SCN2A: variants seen among roughly 807,000 people sequenced by gnomAD.
SCN2A encodes the protein sodium voltage-gated channel alpha subunit 2.
A neutral mutation model predicts 188.7 loss-of-function variants in SCN2A; 20 were observed. The observed-to-expected ratio is 0.11, with a 90% CI of 0.07 to 0.15. SCN2A has a LOEUF of 0.15. Among genes scored for constraint, SCN2A ranks in the 10% least tolerant of loss-of-function variants. The pLI, the probability that SCN2A is intolerant of heterozygous loss-of-function variation, is 1.00. For synonymous variants in SCN2A, 804 were observed against 833.1 expected (o/e 0.97, Z 0.60); for missense variants, 1,278 against 2,445.0 (o/e 0.52, Z 10.07).
intron 8 of SCN2A, 48 bp from the exon 9 acceptor site, chr2:165,313,572 C>T (rs1697559444): frequency 4.4e-6 from 7 of 1,608,750 alleles, no homozygotes; most frequent in Non-Finnish European, 6.0e-6. Context: ...AACCAATTAG[C>T]AGACTTGCCG....
intron 16 of SCN2A, among the ~76,000 whole-genome samples, chr2:165,352,290 A>T (rs966482896): frequency 1.3e-5 from 2 of 152,140 alleles, no homozygotes; most frequent in Non-Finnish European, 2.9e-5. Flanking sequence ...TAATGTGATT[A>T]TCAGGAGTCA....
intron 1 of SCN2A, among the ~76,000 whole-genome samples, chr2:165,253,423 G>A (rs1694182998): frequency 6.6e-6 from 1 of 152,052 alleles, no homozygotes; most frequent in Non-Finnish European, 1.5e-5. Flanking sequence ...AGCAAACCAT[G>A]GTCTTTTACA....
intron 15 of SCN2A, among the ~76,000 whole-genome samples, chr2:165,344,150 T>C (rs1007295163): frequency 2.6e-5 from 4 of 152,202 alleles, no homozygotes; most frequent in African/African-American, 7.2e-5. Context: ...CATATGCTTA[T>C]GTAGGATACT....
At chr2:165,377,066 G>A (rs1701352830) in intron 22 of SCN2A, among the ~76,000 whole-genome samples, 1 of 152,040 alleles carries the variant, frequency 6.6e-6, no homozygotes, top group African/African-American at 2.4e-5. Context: ...ATTGTTTTCA[G>A]ATTAGGAAAC....
At chr2:165,293,863 G>C (rs1696345050) in intron 1 of SCN2A, 1 of 984,922 alleles carries the variant, frequency 1.0e-6, no homozygotes, top group Non-Finnish European at 1.2e-6. Flanking sequence ...TGTGTACGCT[G>C]TGAAGGTGTT....
At chr2:165,295,173 C>G (rs1430739961) in intron 1 of SCN2A, among the ~76,000 whole-genome samples, 1 of 152,166 alleles carries the variant, frequency 6.6e-6, no homozygotes, top group Non-Finnish European at 1.5e-5. Context: ...ATCTTCTGCT[C>G]CTTCCCACTC....
chr2:165,315,788 T>C lies in SCN2A; in HGVS notation c.1671+30T>C, dbSNP rs1245003080. ...AAATATTAAATTACATGAATTGTGT[T>C]CTCATAAATTTTTTAAAAAAATATG... On this transcript the variant is annotated intron_variant, in intron 11 of 26. Coordinates refer to ENST00000375437, the MANE Select transcript of SCN2A (RefSeq NM_001040142.2). 3 of 1,602,132 alleles carry C rather than the reference T, an allele frequency of 1.9e-6. No homozygotes were observed. The South Asian group carries it at 3.4e-5, about 18-fold the overall frequency.
At chr2:165,264,359 A>G (rs1694745585) in intron 1 of SCN2A, among the ~76,000 whole-genome samples, 1 of 152,182 alleles carries the variant, frequency 6.6e-6, no homozygotes, top group Admixed American at 6.6e-5. Flanking sequence ...TCACATGATC[A>G]TCTAAATAGA....
At chr2:165,377,096 A>G (rs1366673662) in intron 22 of SCN2A, among the ~76,000 whole-genome samples, 1 of 152,046 alleles carries the variant, frequency 6.6e-6, no homozygotes, top group Non-Finnish European at 1.5e-5. Flanking sequence ...TTATAGAGTA[A>G]TCACCTCAAA....
Position 165,300,670 on chromosome 2 carries a change from C to A in SCN2A, c.386+3535C>A, listed in dbSNP as rs891087983. 6.6e-6 allele frequency among the ~76,000 whole-genome samples: 1 copy of A among 151,952 alleles called. No homozygotes were observed. On this transcript the variant is annotated intron_variant, in intron 3 of 26. Transcript: ENST00000375437. ...GTATGTTTAACAATCAGCAAGGAGACCTGAGTGGCTGGAGCAGAGTGGGAA... is the reference window on the plus strand; with the variant it reads ...GTATGTTTAACAATCAGCAAGGAGAACTGAGTGGCTGGAGCAGAGTGGGAA...
intron 16 of SCN2A, 140 bp from the exon 17 acceptor site, chr2:165,354,052 T>C: frequency 9.7e-7 from 1 of 1,027,184 alleles, no homozygotes; most frequent in Non-Finnish European, 1.5e-6. Flanking sequence ...TCACTTTTTT[T>C]CAGAATAGTG....
chr2:165,264,567 T>G (rs931587061), intron 1 of SCN2A, among the ~76,000 whole-genome samples: 1 of 152,074 alleles, frequency 6.6e-6, no homozygotes, highest in African/African-American at 2.4e-5. Context: ...ACCTAGGTAT[T>G]AAACCTAGTA....
chr2:165,372,230 GAC>G (rs1186032202), intron 20 of SCN2A: 1 of 152,102 alleles, frequency 6.6e-6, no homozygotes. Flanking sequence ...AACTATGTAA[GAC>G]ATAATTTTAC....
intron 16 of SCN2A, among the ~76,000 whole-genome samples, chr2:165,352,809 A>C (rs1699994363): frequency 6.6e-6 from 1 of 152,212 alleles, no homozygotes; most frequent in Non-Finnish European, 1.5e-5. Flanking sequence ...CATTATGTAC[A>C]TGCAAATATT....
intron 7 of SCN2A, among the ~76,000 whole-genome samples, chr2:165,311,582 G>GA (rs1243443907): frequency 1.3e-5 from 2 of 151,990 alleles, no homozygotes; most frequent in Admixed American, 6.6e-5. Flanking sequence ...AAATTGGCGG[G>GA]AAAAAATGTC....
chr2:165,365,335 G>A (rs1443389263), intron 18 of SCN2A, 72 bp downstream of exon 18: 1 of 1,557,038 alleles, frequency 6.4e-7, no homozygotes. Flanking sequence ...TTATTTAAAT[G>A]TCTGTTTATT....
intron 1 of SCN2A, among the ~76,000 whole-genome samples, chr2:165,291,895 A>G (rs1436306358): frequency 6.6e-6 from 1 of 151,976 alleles, no homozygotes; most frequent in East Asian, 2.0e-4. Context: ...TGGACAGAGT[A>G]ATTACTTCAG....
chr2:165,342,802 A>C (rs911755251), intron 15 of SCN2A, among the ~76,000 whole-genome samples: 1 of 152,210 alleles, frequency 6.6e-6, no homozygotes, highest in Non-Finnish European at 1.5e-5. Context: ...CTGCGTACAA[A>C]GCTTCCTTGG....
At chr2:165,316,603 ACT>A (rs1697763450) in intron 11 of SCN2A, among the ~76,000 whole-genome samples, 1 of 152,130 alleles carries the variant, frequency 6.6e-6, no homozygotes, top group African/African-American at 2.4e-5. Context: ...ATATTTATAC[ACT>A]GTGTTGTTAT....
Sources: allele counts gnomAD v4.1 joint callset (sites outside exome capture counted in the v4.1 genomes callset), GRCh38; gene constraint gnomAD v4.1.1; transcripts MANE v1.5; gene names NCBI Gene and HGNC (gene_info 2026-07-23, HGNC 2026-07-21).